SCAPER: variants seen among roughly 807,000 people sequenced by gnomAD.
The protein encoded by SCAPER is S phase cyclin A-associated protein in the endoplasmic reticulum.
Under a neutral mutation model 182.2 loss-of-function variants are expected in SCAPER, and 98 were observed. That is an observed-to-expected ratio of 0.54 (90% CI 0.46 to 0.64). The LOEUF (loss-of-function observed/expected upper bound fraction) is 0.64. Among genes scored for constraint, SCAPER ranks in the 30% least tolerant of loss-of-function variants. The probability of loss-of-function intolerance (pLI) is 0.00; values close to 1 mark genes in which losing one functional copy is unlikely to be tolerated. For missense variants in SCAPER, 1,432 were observed against 1,690.0 expected, an observed-to-expected ratio of 0.85 and a Z score of 2.68; for synonymous variants, 605 against 564.6, an observed-to-expected ratio of 1.07 and a Z score of -1.01.
rs116604465 is a variant in SCAPER at position 76,768,719 on chromosome 15, G to A, written c.1249-1631C>T. Among the ~76,000 whole-genome samples the A allele has an allele frequency of 3.6e-3, 554 of 152,098 alleles. 6 individuals carry two copies. Among genetic ancestry groups the A allele is most frequent in the African/African-American group, 0.013 (536 of 41,476 alleles). On this transcript the variant is annotated intron_variant, in intron 10 of 31. Coordinates refer to ENST00000563290, the MANE Select transcript of SCAPER (RefSeq NM_020843.4). ...AAATAGATCCACAGTTACAGTCAGT[G>A]ATTTCAGTACCCCTCTTTCAACTGA...
At chr15:76,861,717 C>T (rs1408979918) in intron 3 of SCAPER, 1 of 151,956 alleles carries the variant, frequency 6.6e-6, no homozygotes, top group African/African-American at 2.4e-5. Flanking sequence ...TTTTAAAAAA[C>T]CTCCTTTTAT....
At chr15:76,523,303 A>C (rs1185384815) in intron 23 of SCAPER, among the ~76,000 whole-genome samples, 1 of 152,118 alleles carries the variant, frequency 6.6e-6, no homozygotes, top group African/African-American at 2.4e-5. Flanking sequence ...AAATCAGGCA[A>C]AACTCCATGA....
intron 16 of SCAPER, among the ~76,000 whole-genome samples, chr15:76,730,667 A>C (rs2151035583): frequency 6.6e-6 from 1 of 152,238 alleles, no homozygotes; most frequent in Middle Eastern, 3.4e-3. Context: ...TTCACAACAA[A>C]ATACAAAGAG....
chr15:76,799,376 GC>G (rs1348129534), intron 7 of SCAPER, among the ~76,000 whole-genome samples: 2 of 54,078 alleles, frequency 3.7e-5, no homozygotes, highest in Admixed American at 2.1e-4. Flanking sequence ...ACCTCCACCC[GC>G]CCCCGCCCCC....
chr15:76,832,769 T>C (rs2068609385), intron 5 of SCAPER, among the ~76,000 whole-genome samples: 1 of 152,170 alleles, frequency 6.6e-6, no homozygotes, highest in Non-Finnish European at 1.5e-5. Flanking sequence ...CTCTTGGTCC[T>C]GTTCCTGCCA....
At chr15:76,638,673 A>G (rs1371585097) in intron 21 of SCAPER, among the ~76,000 whole-genome samples, 1 of 152,196 alleles carries the variant, frequency 6.6e-6, no homozygotes, top group East Asian at 1.9e-4. Flanking sequence ...CAAATAGTCA[A>G]CCAATCTTAT....
At chr15:76,769,994 C>T (rs1162422914) in intron 10 of SCAPER, among the ~76,000 whole-genome samples, 1 of 152,020 alleles carries the variant, frequency 6.6e-6, no homozygotes, top group East Asian at 1.9e-4. Context: ...GAAAATGTGG[C>T]ACATATATAC....
At chr15:76,721,179 G>A (rs559929123) in intron 17 of SCAPER, among the ~76,000 whole-genome samples, 1 of 152,176 alleles carries the variant, frequency 6.6e-6, no homozygotes, top group Non-Finnish European at 1.5e-5. Context: ...TTATTAAATA[G>A]GGAATCCTTT....
At chr15:76,826,039 C>T (rs1022009638) in intron 5 of SCAPER, among the ~76,000 whole-genome samples, 1 of 152,144 alleles carries the variant, frequency 6.6e-6, no homozygotes, top group Admixed American at 6.5e-5. Context: ...AGCCTCCGTG[C>T]CTGGCCACAA....
intron 11 of SCAPER, among the ~76,000 whole-genome samples, chr15:76,766,250 C>A (rs1226527932): frequency 6.6e-6 from 1 of 152,108 alleles, no homozygotes; most frequent in Non-Finnish European, 1.5e-5. Flanking sequence ...GCACCTGCCA[C>A]CACGCCCAGC....
At chr15:76,363,384 C>T (rs2041585419) in intron 29 of SCAPER, among the ~76,000 whole-genome samples, 1 of 152,214 alleles carries the variant, frequency 6.6e-6, no homozygotes, top group African/African-American at 2.4e-5. Context: ...CACCATCTTT[C>T]TATGTGTGAG....
At chr15:76,696,481 AT>A (rs916146984) in intron 20 of SCAPER, among the ~76,000 whole-genome samples, 27 of 151,594 alleles carry the variant, frequency 1.8e-4, no homozygotes, top group Middle Eastern at 3.4e-3. Context: ...AAAATTAACT[AT>A]TTTTTTTTCT....
At chr15:76,788,609 G>A (rs1049406136) in intron 8 of SCAPER, among the ~76,000 whole-genome samples, 8 of 151,964 alleles carry the variant, frequency 5.3e-5, no homozygotes, top group African/African-American at 1.9e-4. Context: ...CTGTATGTTC[G>A]TATGTTGTAT....
At chr15:76,875,986 G>C (rs1435832068) in intron 2 of SCAPER, among the ~76,000 whole-genome samples, 3 of 152,196 alleles carry the variant, frequency 2.0e-5, no homozygotes, top group Non-Finnish European at 4.4e-5. Context: ...CTGGGAGGCA[G>C]CAAAGGCCCA....
intron 9 of SCAPER, among the ~76,000 whole-genome samples, chr15:76,773,423 T>C (rs2063575305): frequency 6.6e-6 from 1 of 151,964 alleles, no homozygotes; most frequent in Non-Finnish European, 1.5e-5. Context: ...CTAAGTTATA[T>C]TTTTAGCTGA....
intron 24 of SCAPER, among the ~76,000 whole-genome samples, chr15:76,485,490 C>CAT (rs1356184795): frequency 2.0e-5 from 3 of 152,160 alleles, no homozygotes; most frequent in Non-Finnish European, 4.4e-5. Flanking sequence ...ATGCTATTCC[C>CAT]ATTAAATTAC....
chr15:76,373,056 T>C (rs28637493), intron 29 of SCAPER, among the ~76,000 whole-genome samples: 1,548 of 60,326 alleles, frequency 0.026, 24 homozygotes, highest in African/African-American at 0.062. Context: ...TTCTTTCTTT[T>C]TTTTTTTTTG....
At position 76,545,837 on chromosome 15, in the gene SCAPER, A is replaced by C. The variant is rs573772694; in HGVS notation, c.2838+28321T>G. 2.6e-4 allele frequency among the ~76,000 whole-genome samples: 40 copies of C among 152,252 alleles called. 1 individual carries two copies. The highest frequency in any genetic ancestry group is 8.7e-4 in the African/African-American group (36 of 41,540). ...AGCAACACAGAGAAATTAACTATAG[A>C]AATTTGCCTGGAATTCTATTTAACT... is the stretch of plus-strand genomic sequence containing the variant. On this transcript the variant is annotated intron_variant, in intron 23 of 31. Transcript: ENST00000563290.
chr15:76,371,053 A>G (rs984334448), intron 29 of SCAPER, among the ~76,000 whole-genome samples: 14 of 152,178 alleles, frequency 9.2e-5, no homozygotes, highest in African/African-American at 2.9e-4. Context: ...CGTAAGATGA[A>G]ATGAAAAGTA....
Sources: allele counts gnomAD v4.1 joint callset (sites outside exome capture counted in the v4.1 genomes callset), GRCh38; gene constraint gnomAD v4.1.1; transcripts MANE v1.5; gene names NCBI Gene and HGNC (gene_info 2026-07-23, HGNC 2026-07-21).